The following EXOSC8 variants were observed in gnomAD, a reference collection of about 807,000 sequenced individuals.
EXOSC8 encodes exosome complex component RRP43.
In EXOSC8, 37 loss-of-function variants were observed where a neutral mutation model predicts 39.9. That is an observed-to-expected ratio of 0.93 (90% CI 0.71 to 1.22). The LOEUF is 1.22. Ranked by LOEUF, EXOSC8 falls within the 50% of genes most tolerant of loss-of-function variation. EXOSC8 has a pLI of 0.00. For missense variants in EXOSC8, 313 were observed against 326.6 expected (o/e 0.96, Z 0.32); for synonymous variants, 93 against 109.5 (o/e 0.85, Z 0.94).
At chr13:37,007,921 G>C (rs2059158118) in intron 8 of EXOSC8, 136 bp from the exon 9 acceptor site, 1 of 640,388 alleles carries the variant, frequency 1.6e-6, no homozygotes, top group Admixed American at 3.1e-5. Context: ...ATTTACCTTA[G>C]TGGCTGTAAG....
Position 37,006,991 on chromosome 13 carries a change from A to T in EXOSC8, c.407A>T (p.Tyr136Phe). Residue 136 changes from tyrosine to phenylalanine, a missense_variant, in exon 8 of 11, where the codon TAC (tyrosine) becomes TTC (phenylalanine). Physicochemically the swap from Tyr to Phe is conservative, Grantham distance 22. Transcript: ENST00000389704. ...ISPGKLVWVL[Y>F]CDLICLDYDG... ...CTATTTTAGCTTGTCTGGGTTCTAT[A>T]CTGTGATCTCATTTGCCTCGACTAC... is the stretch of plus-strand genomic sequence containing the variant. The T allele has an allele frequency of 2.5e-6, 4 of 1,608,794 alleles. No homozygotes were observed. The highest frequency in any genetic ancestry group is 3.4e-6 in the Non-Finnish European group (4 of 1,175,102).
chr13:37,006,964 T>C lies in EXOSC8; in HGVS notation c.391-11T>C. 6.4e-7 allele frequency: 1 copy of C among 1,564,934 alleles called. No homozygotes were observed. The highest frequency in any genetic ancestry group is 8.8e-7 in the Non-Finnish European group (1 of 1,135,350). On this transcript the variant is annotated splice_polypyrimidine_tract_variant and intron_variant, in intron 7 of 10. Transcript: ENST00000389704. The stretch of plus-strand genomic sequence containing the variant: ...GACTTTAATTTCCTTTTGTGTTTAA[T>C]TCTATTTTAGCTTGTCTGGGTTCTA...
Position 37,008,240 on chromosome 13 carries a change from C to T in EXOSC8, c.608+63C>T, listed in dbSNP as rs1310570154. 7.4e-6 allele frequency: 10 copies of T among 1,348,056 alleles called. No homozygotes were observed. In the Admixed American group the frequency reaches 1.4e-4, roughly 19 times the overall value. 83.5% of individuals were successfully genotyped at this position (1,348,056 alleles called of 1,614,324 possible). On this transcript the variant is annotated intron_variant, in intron 9 of 10. Coordinates refer to ENST00000389704, the MANE Select transcript of EXOSC8 (RefSeq NM_181503.3). ...TAAGATTAGGGTAATTGATGTTCAGCATTCTAACTCTTTAGGAAGTGCTAT... is the reference window on the plus strand; with the variant it reads ...TAAGATTAGGGTAATTGATGTTCAGTATTCTAACTCTTTAGGAAGTGCTAT...
chr13:37,000,859 C>A, intron 1 of EXOSC8, 37 bp downstream of exon 1: 1 of 1,484,706 alleles, frequency 6.7e-7, no homozygotes. Context: ...GTTCTGTACC[C>A]TGGCGGACGG....
Position 37,004,597 on chromosome 13 carries a change from C to G in EXOSC8, c.238+36C>G, listed in dbSNP as rs774017612. 7.6e-6 allele frequency: 10 copies of G among 1,319,450 alleles called. No homozygotes were observed. The Admixed American group carries it at 1.1e-4, about 15-fold the overall frequency. The allele number at this position is 1,319,450 out of a possible 1,614,324, so 81.7% of individuals were successfully genotyped here. A position where few individuals can be genotyped will look rare whatever the true frequency, so the allele number is the denominator to read the frequency against. ...TGGTTTTGTAATTTTAATACAAATA[C>G]TTTTAACACATTTAATAATTTTTAG... On this transcript the variant is annotated intron_variant, in intron 5 of 10. Coordinates refer to ENST00000389704, the MANE Select transcript of EXOSC8 (RefSeq NM_181503.3).
In EXOSC8 at chr13:37,008,269, GACC is replaced by G. The variant is rs112367672; in HGVS notation, c.608+93_608+95del. On this transcript the variant is annotated intron_variant, in intron 9 of 10. Transcript: ENST00000389704. ...CTAACTCTTTAGGAAGTGCTATGGT[GACC>G]CTACATCCTAGTTTTCCCTGGACAC... The G allele has an allele frequency of 4.5e-3, 4,648 of 1,042,660 alleles. 131 individuals are homozygous for G. The African/African-American group carries it at 0.065, about 15-fold the overall frequency. The allele number at this position is 1,042,660 out of a possible 1,614,324, so 64.6% of individuals were successfully genotyped here.
chr13:37,008,549 A>T (rs181750501), intron 9 of EXOSC8, among the ~76,000 whole-genome samples, 180 bp from the exon 10 acceptor site: 22 of 152,332 alleles, frequency 1.4e-4, no homozygotes, highest in Admixed American at 4.6e-4. Flanking sequence ...GAGGTCAAGA[A>T]TTCAAGACCA....
chr13:37,005,435 C>T (rs1471267146), intron 5 of EXOSC8, among the ~76,000 whole-genome samples: 1 of 152,044 alleles, frequency 6.6e-6, no homozygotes, highest in African/African-American at 2.4e-5. Flanking sequence ...ATAGAAATTT[C>T]ATGGCTGGGA....
chr13:37,002,409 ATGTG>A, intron 2 of EXOSC8, 75 bp from the exon 3 acceptor site: 4 of 1,345,224 alleles, frequency 3.0e-6, no homozygotes, highest in East Asian at 4.6e-5. Flanking sequence ...GTAACATTTA[ATGTG>A]TGTGTAAAAC....
chr13:37,008,512 T>C (rs201034059), intron 9 of EXOSC8, among the ~76,000 whole-genome samples: 2 of 152,158 alleles, frequency 1.3e-5, no homozygotes, highest in Admixed American at 6.5e-5. Flanking sequence ...TCCCAGCACT[T>C]TGGGAGGCTG....
chr13:37,003,053 T>G, intron 4 of EXOSC8, 46 bp downstream of exon 4: 1 of 1,164,862 alleles, frequency 8.6e-7, no homozygotes, highest in Non-Finnish European at 1.3e-6. Context: ...CAAAGTTAGC[T>G]TTATTTATTA....
Position 37,009,291 on chromosome 13 carries a change from C to A in EXOSC8, c.823C>A (p.Pro275Thr). The A allele has an allele frequency of 6.5e-7, 1 of 1,550,320 alleles. No individual in the cohort carries two copies. The highest frequency in any genetic ancestry group is 8.9e-7 in the Non-Finnish European group (1 of 1,124,518). Reference sequence around the variant, plus strand: ...GGATGAAGTAATTAAGAGTATGAAACCCAAATAAACAGCCACCACATTTTC... The same window carrying A: ...GGATGAAGTAATTAAGAGTATGAAAACCAAATAAACAGCCACCACATTTTC... ...LMDEVIKSMK[P>T]K The change falls in exon 11 of 11, where the codon CCC becomes ACC. Residue 275 changes from proline (P) to threonine (T), a missense_variant. Coordinates refer to ENST00000389704, the MANE Select transcript of EXOSC8 (RefSeq NM_181503.3).
In EXOSC8 at chr13:37,006,013, A is replaced by G. The variant is rs1332539590; in HGVS notation, c.332A>G (p.Asp111Gly). 2 of 1,603,454 alleles carry G rather than the reference A, an allele frequency of 1.2e-6. No homozygotes were observed. Among genetic ancestry groups the G allele is most frequent in the Non-Finnish European group, 1.7e-6 (2 of 1,170,742 alleles). Reference protein sequence around the residue: ...EAQVASQFIADVIENSQIIQK... With the variant: ...EAQVASQFIAGVIENSQIIQK... The stretch of plus-strand genomic sequence containing the variant: ...CAAGTGGCTAGCCAGTTCATTGCAG[A>G]TGTCATTGAAAAGTAAGAGCACCAT... The change falls in exon 6 of 11, where the codon GAT becomes GGT. Residue 111 changes from aspartate (D) to glycine (G), a missense_variant. Coordinates refer to ENST00000389704, the MANE Select transcript of EXOSC8 (RefSeq NM_181503.3).
rs760939837 is a variant in EXOSC8, at chr13:37,006,140, T to C, written c.370T>C (p.Leu124=). 1 of 1,610,400 alleles carries C rather than the reference T, an allele frequency of 6.2e-7. No homozygotes were observed. Among genetic ancestry groups the C allele is most frequent in the Non-Finnish European group, 8.5e-7 (1 of 1,176,886 alleles). The part of the protein sequence containing the change: ...ENSQIIQKED[L]CISPGKLVWV... ...TTCACAGATAATTCAGAAAGAGGAC[T>C]TATGCATTTCTCCAGGAAAGGTAAG... The change falls in exon 7 of 11, where the codon TTA becomes CTA. Residue 124 remains leucine, a synonymous_variant. Coordinates refer to ENST00000389704, the MANE Select transcript of EXOSC8 (RefSeq NM_181503.3).
chr13:37,002,965 A>G lies in EXOSC8; in HGVS notation c.150A>G (p.Leu50=). The change falls in exon 4 of 11, where the codon TTA becomes TTG. Residue 50 remains leucine (L), a synonymous_variant. Coordinates refer to ENST00000389704, the MANE Select transcript of EXOSC8 (RefSeq NM_181503.3). ...TTAGTACCGCAGATGGTTCTGCTTT[A>G]GTGAAGTTGGGAAATACTACAGTAA... ...GSISTADGSA[L]VKLGNTTVIC... 2 of 1,611,092 alleles carry G rather than the reference A, an allele frequency of 1.2e-6. No individual in the cohort carries two copies. Among genetic ancestry groups the G allele is most frequent in the Non-Finnish European group, 8.5e-7 (1 of 1,177,578 alleles).
In EXOSC8 at chr13:37,006,992, C is replaced by A; in HGVS notation, c.408C>A (p.Tyr136Ter). 6.2e-7 allele frequency: 1 copy of A among 1,609,260 alleles called. No individual in the cohort carries two copies. The highest frequency in any genetic ancestry group is 1.7e-4 in the Middle Eastern group (1 of 6,054). ...ISPGKLVWVL[Y>*]CDLICLDYDG... ...TATTTTAGCTTGTCTGGGTTCTATA[C>A]TGTGATCTCATTTGCCTCGACTACG... is the stretch of plus-strand genomic sequence containing the variant. The change falls in exon 8 of 11, where the codon TAC becomes TAA. Residue 136 changes from tyrosine to a stop codon, truncating the protein, a stop_gained. Coordinates refer to ENST00000389704, the MANE Select transcript of EXOSC8 (RefSeq NM_181503.3). LOFTEE classifies it high-confidence loss of function.
intron 6 of EXOSC8, 29 bp downstream of exon 6, chr13:37,006,054 C>T (rs770817068): frequency 1.3e-6 from 2 of 1,578,882 alleles, no homozygotes; most frequent in Non-Finnish European, 1.7e-6. Flanking sequence ...AATTTTATTA[C>T]AATTCATTTT....
At chr13:37,008,469 A>G (rs1409270946) in intron 9 of EXOSC8, among the ~76,000 whole-genome samples, 1 of 152,242 alleles carries the variant, frequency 6.6e-6, no homozygotes, top group Non-Finnish European at 1.5e-5. Flanking sequence ...GAAATAGAAG[A>G]GCAGGGCCGG....
At chr13:37,007,659 G>A (rs2059152585) in intron 8 of EXOSC8, among the ~76,000 whole-genome samples, 1 of 152,152 alleles carries the variant, frequency 6.6e-6, no homozygotes, top group African/African-American at 2.4e-5. Flanking sequence ...TAATAGACTG[G>A]TTAAAGTAGA....
Sources: gnomAD v4.1 joint callset for allele counts (sites outside exome capture counted in the v4.1 genomes callset) on GRCh38, gnomAD v4.1.1 for gene constraint, MANE v1.5 for transcripts, NCBI Gene and HGNC (gene_info 2026-07-23, HGNC 2026-07-21) for gene names.